RBM17: variants seen among roughly 807,000 people sequenced by gnomAD.
RBM17 encodes the protein RNA binding motif protein 17.
Under a neutral mutation model 53.2 loss-of-function variants are expected in RBM17, and 7 were observed. The ratio of observed to expected loss-of-function variants is 0.13; its 90% confidence interval spans 0.07 to 0.25. The LOEUF is 0.25. Ranked by LOEUF, RBM17 falls within the 10% of genes least tolerant of loss-of-function variation. The pLI, the probability that RBM17 is intolerant of heterozygous loss-of-function variation, is 1.00. For synonymous variants in RBM17, 167 were observed against 178.1 expected (o/e 0.94, Z 0.50); for missense variants, 257 against 496.7 (o/e 0.52, Z 4.59).
intron 1 of RBM17, among the ~76,000 whole-genome samples, chr10:6,093,918 G>T (rs1486925971): frequency 6.7e-6 from 1 of 150,218 alleles, no homozygotes; most frequent in Non-Finnish European, 1.5e-5. Flanking sequence ...CATGCAAAAA[G>T]ATTTCACTCT....
intron 9 of RBM17, 92 bp from the exon 10 acceptor site, chr10:6,113,957 C>A: frequency 1.2e-6 from 1 of 806,054 alleles, no homozygotes; most frequent in Non-Finnish European, 2.0e-6. Flanking sequence ...GGATTGAGAA[C>A]ATTTACCATC....
Position 6,110,022 on chromosome 10 carries a change from C to G in RBM17, c.599C>G (p.Pro200Arg). Residue 200 changes from proline to arginine, a missense_variant, in exon 7 of 12, where the codon CCT becomes CGT. This residue lies in a region of RBM17 where 68 missense variants were observed against 60.0 expected (regional missense o/e 1.13). Transcript: ENST00000379888. Reference sequence around the variant, plus strand: ...TTTCCTTATGAAGAGGACTCAAGACCTCGATCACAGTCTTCCAAAGCAGCC... The same window carrying G: ...TTTCCTTATGAAGAGGACTCAAGACGTCGATCACAGTCTTCCAAAGCAGCC... ...RDFPYEEDSR[P>R]RSQSSKAAIP... is the part of the protein sequence containing the mutation. 6.2e-7 allele frequency: 1 copy of G among 1,612,470 alleles called. No individual in the cohort carries two copies. Among genetic ancestry groups the G allele is most frequent in the Non-Finnish European group, 8.5e-7 (1 of 1,179,038 alleles).
At chr10:6,103,737 G>C (rs149741722) in intron 3 of RBM17, among the ~76,000 whole-genome samples, 1 of 152,300 alleles carries the variant, frequency 6.6e-6, no homozygotes, top group East Asian at 1.9e-4. Context: ...TGAAGTGTTT[G>C]TTTTATAGTG....
Position 6,107,119 on chromosome 10 carries a change from G to A in RBM17, c.505+881G>A, listed in dbSNP as rs548515274. Among the ~76,000 whole-genome samples the A allele has an allele frequency of 1.2e-4, 18 of 152,338 alleles. 1 individual carries two copies. In the South Asian group the frequency reaches 3.7e-3, roughly 32 times the overall value. ...TGAGGATTTTATATCATCCAGTCCT[G>A]TTAATCAAAATGCATGGACACTGGC... On this transcript the variant is annotated intron_variant, in intron 5 of 11. Transcript: ENST00000379888.
At position 6,105,304 on chromosome 10, in the gene RBM17, AGT is replaced by A. The variant is rs571832513; in HGVS notation, c.407+210_407+211del. Among the ~76,000 whole-genome samples, 54 of 152,318 alleles carry A rather than the reference AGT, an allele frequency of 3.5e-4. No homozygotes were observed. The East Asian group carries it at 0.01, about 28-fold the overall frequency. On this transcript the variant is annotated intron_variant, in intron 4 of 11. Transcript: ENST00000379888. ...CTTCACCTGTAGACTGAAGACCTAAAGTGTATATTTTGAGTGAGTTGTTAGAA... is the reference window on the plus strand; with the variant it reads ...CTTCACCTGTAGACTGAAGACCTAAAGTATATTTTGAGTGAGTTGTTAGAA...
At chr10:6,107,751 G>T (rs1840775592) in intron 5 of RBM17, among the ~76,000 whole-genome samples, 1 of 151,930 alleles carries the variant, frequency 6.6e-6, no homozygotes, top group Non-Finnish European at 1.5e-5. Context: ...CAAAGTGCTG[G>T]GATTACAGGA....
At chr10:6,093,852 A>G (rs1454954356) in intron 1 of RBM17, among the ~76,000 whole-genome samples, 1 of 152,170 alleles carries the variant, frequency 6.6e-6, no homozygotes, top group Non-Finnish European at 1.5e-5. Context: ...CTTCATATAT[A>G]CTTTCTACAC....
intron 2 of RBM17, among the ~76,000 whole-genome samples, chr10:6,100,395 G>A (rs1403176443): frequency 3.3e-5 from 5 of 152,218 alleles, no homozygotes; most frequent in East Asian, 1.9e-4. Context: ...CACCTGGGAA[G>A]TGTTCCTGCC....
Position 6,117,049 on chromosome 10 carries a change from T to C in RBM17, c.*1493T>C, listed in dbSNP as rs1840930269. 1 of 74,744 alleles carries C rather than the reference T, an allele frequency of 1.3e-5. No homozygotes were observed. The highest frequency in any genetic ancestry group is 4.2e-5 in the African/African-American group (1 of 23,916). 4.6% of individuals were successfully genotyped at this position (74,744 alleles called of 1,614,324 possible). ...ATGTTTGTGCTTACAAGTACCGGAG[T>C]GTGCTTGTTTAATTTTAGAAACTAA... On this transcript the variant is annotated 3_prime_UTR_variant, in exon 12 of 12. Coordinates refer to ENST00000379888, the MANE Select transcript of RBM17 (RefSeq NM_032905.5).
At chr10:6,113,948 G>C in intron 9 of RBM17, 101 bp from the exon 10 acceptor site, 3 of 752,952 alleles carry the variant, frequency 4.0e-6, no homozygotes, top group Non-Finnish European at 6.6e-6. Flanking sequence ...TGTCGTTTGG[G>C]ATTGAGAACA....
intron 1 of RBM17, among the ~76,000 whole-genome samples, chr10:6,093,762 T>C (rs543033965): frequency 1.3e-5 from 2 of 152,210 alleles, no homozygotes; most frequent in Non-Finnish European, 2.9e-5. Context: ...CGGATATTTT[T>C]AGATTTTTAG....
At chr10:6,091,639 T>C (rs1034827835) in intron 1 of RBM17, among the ~76,000 whole-genome samples, 1 of 152,204 alleles carries the variant, frequency 6.6e-6, no homozygotes, top group Non-Finnish European at 1.5e-5. Context: ...TGCACTAACA[T>C]TTTTCATCCA....
At chr10:6,113,994 T>C in intron 9 of RBM17, 55 bp from the exon 10 acceptor site, 1 of 1,102,280 alleles carries the variant, frequency 9.1e-7, no homozygotes, top group Non-Finnish European at 1.4e-6. Flanking sequence ...ATACCTCTGC[T>C]AGGTGTTTGT....
At chr10:6,093,309 G>A (rs1455412512) in intron 1 of RBM17, among the ~76,000 whole-genome samples, 1 of 152,098 alleles carries the variant, frequency 6.6e-6, no homozygotes, top group African/African-American at 2.4e-5. Flanking sequence ...CGCCTCCCGG[G>A]TTCAAGCAAT....
At chr10:6,096,938 G>T in intron 1 of RBM17, 110 bp from the exon 2 acceptor site, 1 of 922,024 alleles carries the variant, frequency 1.1e-6, no homozygotes, top group African/African-American at 1.7e-5. Flanking sequence ...GGCCTCTGTT[G>T]CTGAAAGGTC....
chr10:6,111,730 A>C (rs909789752), intron 7 of RBM17, among the ~76,000 whole-genome samples: 2 of 152,156 alleles, frequency 1.3e-5, no homozygotes, highest in African/African-American at 4.8e-5. Flanking sequence ...TTTATTTCTC[A>C]TTTGTTAAAT....
At chr10:6,090,483 G>A (rs546886528) in intron 1 of RBM17, among the ~76,000 whole-genome samples, 26 of 152,322 alleles carry the variant, frequency 1.7e-4, no homozygotes, top group African/African-American at 6.3e-4. Flanking sequence ...AGCAGGTTGT[G>A]CGGTTGTGGA....
intron 3 of RBM17, among the ~76,000 whole-genome samples, chr10:6,102,660 CCTT>C (rs1840684768): frequency 6.6e-6 from 1 of 152,134 alleles, no homozygotes; most frequent in South Asian, 2.1e-4. Context: ...CCTTTTTCCT[CCTT>C]GTTACATAGT....
chr10:6,114,987 G>A, intron 10 of RBM17: 2 of 441,496 alleles, frequency 4.5e-6, no homozygotes, highest in Non-Finnish European at 8.0e-6. Flanking sequence ...TCATCAGCTG[G>A]CACAGGGCCT....
Sources: allele counts gnomAD v4.1 joint callset (sites outside exome capture counted in the v4.1 genomes callset), GRCh38; gene constraint gnomAD v4.1.1; regional missense constraint gnomAD v4.1.1; transcripts MANE v1.5; gene names NCBI Gene and HGNC (gene_info 2026-07-23, HGNC 2026-07-21).